Variants in RNF175 observed in about 807,000 individuals in gnomAD.
RNF175 encodes the protein ring finger protein 175.
RNF175 carries 38 observed loss-of-function variants against 50.0 expected under a neutral mutation model. The observed-to-expected ratio is 0.76, with a 90% CI of 0.59 to 1.00. The LOEUF is 1.00. Among genes scored for constraint, RNF175 ranks in the 50% least tolerant of loss-of-function variants. The probability of loss-of-function intolerance (pLI) is 0.00; values close to 1 mark genes in which losing one functional copy is unlikely to be tolerated. For missense variants in RNF175, 388 were observed against 409.6 expected (o/e 0.95, Z 0.46); for synonymous variants, 155 against 146.1 (o/e 1.06, Z -0.44).
chr4:153,749,115 C>T (rs1333746936), intron 2 of RNF175, among the ~76,000 whole-genome samples: 1 of 152,194 alleles, frequency 6.6e-6, no homozygotes, highest in Non-Finnish European at 1.5e-5. Flanking sequence ...TAATGAGCCC[C>T]AGGAAGACCT....
intron 6 of RNF175, among the ~76,000 whole-genome samples, chr4:153,715,979 G>A (rs1170130478): frequency 2.0e-5 from 3 of 149,802 alleles, no homozygotes; most frequent in African/African-American, 4.9e-5. Context: ...CAGGAGAATC[G>A]GTTGAACCCG....
rs1737476639 is a variant in RNF175, at chr4:153,710,324, C to G, written c.*45G>C. 2 of 1,446,874 alleles carry G rather than the reference C, an allele frequency of 1.4e-6. No homozygotes were observed. Among genetic ancestry groups the G allele is most frequent in the Admixed American group, 2.5e-5 (1 of 40,756 alleles). The allele number at this position is 1,446,874 out of a possible 1,614,324, so 89.6% of individuals were successfully genotyped here. A position where few individuals can be genotyped will look rare whatever the true frequency, so the allele number is the denominator to read the frequency against. On this transcript the variant is annotated 3_prime_UTR_variant, in exon 9 of 9. Transcript: ENST00000347063. ...AAAAAATTAATATTAAATGTTGGAC[C>G]AAGGATTTCAACCATGCAGTATGTT...
intron 3 of RNF175, among the ~76,000 whole-genome samples, chr4:153,732,056 A>G (rs1739069625): frequency 6.6e-6 from 1 of 152,020 alleles, no homozygotes; most frequent in Non-Finnish European, 1.5e-5. Context: ...ACATGGTGAA[A>G]CCCCATCTCT....
At chr4:153,721,479 A>G (rs1227883919) in intron 5 of RNF175, 1 of 152,202 alleles carries the variant, frequency 6.6e-6, no homozygotes, top group Admixed American at 6.5e-5. Flanking sequence ...TGGTAGCTTC[A>G]TCCTTTCAAG....
intron 3 of RNF175, among the ~76,000 whole-genome samples, chr4:153,730,209 C>T (rs916196887): frequency 9.2e-5 from 14 of 152,104 alleles, no homozygotes; most frequent in East Asian, 7.7e-4. Context: ...GTTTGGGAGG[C>T]GGGGGTGGAT....
Position 153,759,962 on chromosome 4 carries a change from G to T in RNF175, c.-100C>A. On this transcript the variant is annotated 5_prime_UTR_variant, in exon 1 of 9. Transcript: ENST00000347063. ...CCGCGGGGCCTCGGGAGCCGAGGGT[G>T]AGAGCCGGATCTGCGGCGGCGGCGG... The T allele has an allele frequency of 1.5e-6, 1 of 670,014 alleles. No individual in the cohort carries two copies. The highest frequency in any genetic ancestry group is 2.2e-6 in the Non-Finnish European group (1 of 462,820). The allele number at this position is 670,014 out of a possible 1,614,324, so 41.5% of individuals were successfully genotyped here.
Position 153,718,230 on chromosome 4 carries a change from G to GTTTTTTTTTTTTTT in RNF175, c.630+1953_630+1954insAAAAAAAAAAAAAA, listed in dbSNP as rs1272804247. Among the ~76,000 whole-genome samples the GTTTTTTTTTTTTTT allele has an allele frequency of 5.0e-4, 16 of 31,844 alleles. 1 individual carries two copies. The highest frequency in any genetic ancestry group is 1.2e-3 in the African/African-American group (15 of 12,104). 20.9% of individuals were successfully genotyped at this position (31,844 alleles called of 152,430 possible). ...AGGAGTTTTTTTTGTTTGTTTGTTT[G>GTTTTTTTTTTTTTT]TTTGTTTGTTTTTTTTTTTTTTGAA... is the stretch of plus-strand genomic sequence containing the variant. On this transcript the variant is annotated intron_variant, in intron 6 of 8. Coordinates refer to ENST00000347063, the MANE Select transcript of RNF175 (RefSeq NM_173662.4).
chr4:153,735,883 TTA>T (rs1739329330), intron 3 of RNF175, among the ~76,000 whole-genome samples: 1 of 152,222 alleles, frequency 6.6e-6, no homozygotes. Context: ...TTCCATGAGT[TTA>T]TGTTGATTCT....
chr4:153,728,002 C>A (rs1207108021), intron 4 of RNF175, among the ~76,000 whole-genome samples: 1 of 152,226 alleles, frequency 6.6e-6, no homozygotes, highest in East Asian at 1.9e-4. Flanking sequence ...ATAAATTTTA[C>A]ATGCATATCT....
intron 1 of RNF175, among the ~76,000 whole-genome samples, chr4:153,752,679 C>G (rs1740351997): frequency 6.6e-6 from 1 of 152,000 alleles, no homozygotes; most frequent in Non-Finnish European, 1.5e-5. Flanking sequence ...TAAAAAATGA[C>G]AGATTTTGAG....
intron 3 of RNF175, among the ~76,000 whole-genome samples, chr4:153,743,270 G>A (rs1371886513): frequency 1.3e-5 from 2 of 152,172 alleles, no homozygotes; most frequent in African/African-American, 2.4e-5. Flanking sequence ...CACTCTGGAG[G>A]TGAATCCCCA....
At chr4:153,715,450 G>A (rs1479256924) in intron 7 of RNF175, 79 bp downstream of exon 7, 1 of 1,381,010 alleles carries the variant, frequency 7.2e-7, no homozygotes, top group East Asian at 2.5e-5. Context: ...TGGAGGAGAT[G>A]GGGACAGGAG....
Position 153,712,545 on chromosome 4 carries a change from T to C in RNF175, c.796A>G (p.Ile266Val). Reference sequence around the variant, plus strand: ...GGGCAAGTCTGCTTTTTCCCAACGATACACCAACCTCGGATGCAGAATTCA... The same window carrying C: ...GGGCAAGTCTGCTTTTTCCCAACGACACACCAACCTCGGATGCAGAATTCA... ...FHEFCIRGWC[I>V]VGKKQTCPYC... The change falls in exon 8 of 9, where the codon ATC becomes GTC. Residue 266 changes from isoleucine (I) to valine (V), a missense_variant. Ile to Val is a conservative substitution (Grantham distance 29). Coordinates refer to ENST00000347063, the MANE Select transcript of RNF175 (RefSeq NM_173662.4). 2 of 1,613,188 alleles carry C rather than the reference T, an allele frequency of 1.2e-6. No individual in the cohort carries two copies. Among genetic ancestry groups the C allele is most frequent in the Non-Finnish European group, 8.5e-7 (1 of 1,179,322 alleles).
At chr4:153,727,535 T>A (rs1346656003) in intron 4 of RNF175, 1 of 152,232 alleles carries the variant, frequency 6.6e-6, no homozygotes, top group East Asian at 1.9e-4. Context: ...AAAGGTCAAA[T>A]TTAGCATTGT....
At chr4:153,753,381 A>G (rs535278464) in intron 1 of RNF175, among the ~76,000 whole-genome samples, 31 of 152,260 alleles carry the variant, frequency 2.0e-4, no homozygotes, top group African/African-American at 7.0e-4. Context: ...ATGTGGAGGG[A>G]GAGTAGAGGA....
At chr4:153,741,812 A>G (rs1361617316) in intron 3 of RNF175, among the ~76,000 whole-genome samples, 3 of 152,140 alleles carry the variant, frequency 2.0e-5, no homozygotes, top group Non-Finnish European at 4.4e-5. Flanking sequence ...GAATCTTCCC[A>G]CTTCTAAGCC....
intron 5 of RNF175, 23 bp downstream of exon 5, chr4:153,723,328 A>G: frequency 8.7e-7 from 1 of 1,155,662 alleles, no homozygotes; most frequent in Non-Finnish European, 1.3e-6. Context: ...GGAGATATTA[A>G]TGTCTTAATT....
intron 2 of RNF175, among the ~76,000 whole-genome samples, chr4:153,749,287 G>C (rs150925212): frequency 3.4e-4 from 52 of 152,306 alleles, no homozygotes; most frequent in African/African-American, 1.2e-3. Context: ...TTTTATTTGT[G>C]TCTATATAAG....
At chr4:153,724,989 G>A (rs1169331555) in intron 4 of RNF175, among the ~76,000 whole-genome samples, 3 of 92,510 alleles carry the variant, frequency 3.2e-5, no homozygotes, top group East Asian at 4.3e-4. Context: ...GGGGTGAGCT[G>A]TGTGGGGGAG....
Sources: allele counts gnomAD v4.1 joint callset (sites outside exome capture counted in the v4.1 genomes callset), GRCh38; gene constraint gnomAD v4.1.1; transcripts MANE v1.5; gene names NCBI Gene and HGNC (gene_info 2026-07-23, HGNC 2026-07-21).